Variants in GALNT7 observed in about 807,000 individuals in gnomAD.
GALNT7 encodes polypeptide N-acetylgalactosaminyltransferase 7.
A neutral mutation model predicts 82.1 loss-of-function variants in GALNT7; 60 were observed. The observed-to-expected ratio is 0.73, with a 90% CI of 0.59 to 0.91. The LOEUF is 0.91. Among genes scored for constraint, GALNT7 ranks in the 40% least tolerant of loss-of-function variants. The pLI, the probability that GALNT7 is intolerant of heterozygous loss-of-function variation, is 0.00. For missense variants in GALNT7, 660 were observed against 804.2 expected (o/e 0.82, Z 2.17); for synonymous variants, 243 against 275.1 (o/e 0.88, Z 1.15).
At chr4:173,199,688 C>T (rs1287689332) in intron 1 of GALNT7, among the ~76,000 whole-genome samples, 2 of 152,158 alleles carry the variant, frequency 1.3e-5, no homozygotes, top group Non-Finnish European at 2.9e-5. Flanking sequence ...CCCAATTTAA[C>T]TTTGTTAACC....
In GALNT7 at chr4:173,259,547, A is replaced by G. The variant is rs998155562; in HGVS notation, c.587+11107A>G. Among the ~76,000 whole-genome samples, 7 of 151,848 alleles carry G rather than the reference A, an allele frequency of 4.6e-5. 1 individual carries two copies. The highest frequency in any genetic ancestry group is 4.2e-4 in the South Asian group (2 of 4,808). On this transcript the variant is annotated intron_variant, in intron 2 of 11. Coordinates refer to ENST00000265000, the MANE Select transcript of GALNT7 (RefSeq NM_017423.3). ...CTGAGGGCGTTTCAGAATTTGGTGT[A>G]TATTTGTCCAAACTTTATTCTGAGT...
At chr4:173,184,079 A>T (rs1216556448) in intron 1 of GALNT7, among the ~76,000 whole-genome samples, 2 of 134,944 alleles carry the variant, frequency 1.5e-5, no homozygotes, top group African/African-American at 5.7e-5. Flanking sequence ...CCTAGACAGG[A>T]TGAGGGTCGG....
At chr4:173,304,226 C>T (rs146675794) in intron 8 of GALNT7, 108 bp downstream of exon 8, 33 of 808,912 alleles carry the variant, frequency 4.1e-5, no homozygotes, top group Non-Finnish European at 6.0e-5. Context: ...CTTCAGCAGT[C>T]ATGTTGATTC....
chr4:173,285,043 A>G (rs1736273925), intron 2 of GALNT7, among the ~76,000 whole-genome samples: 1 of 152,228 alleles, frequency 6.6e-6, no homozygotes, highest in Non-Finnish European at 1.5e-5. Context: ...TTTAGTCAAT[A>G]TGTTCACACA....
intron 1 of GALNT7, among the ~76,000 whole-genome samples, chr4:173,222,620 G>A (rs1296559606): frequency 2.0e-5 from 3 of 152,146 alleles, no homozygotes; most frequent in South Asian, 2.1e-4. Flanking sequence ...TGGAACTTTT[G>A]TATAAAGTGT....
At chr4:173,189,406 T>C (rs1732555240) in intron 1 of GALNT7, among the ~76,000 whole-genome samples, 1 of 152,242 alleles carries the variant, frequency 6.6e-6, no homozygotes, top group Non-Finnish European at 1.5e-5. Context: ...GTTTTAAGTA[T>C]AACCCATATT....
chr4:173,178,461 A>T (rs1238021531), intron 1 of GALNT7, among the ~76,000 whole-genome samples: 1 of 152,188 alleles, frequency 6.6e-6, no homozygotes, highest in Non-Finnish European at 1.5e-5. Context: ...CCTAGGGCCT[A>T]TGTCTTTTTG....
chr4:173,189,045 C>T (rs77882160), intron 1 of GALNT7, among the ~76,000 whole-genome samples: 2,047 of 152,286 alleles, frequency 0.013, 39 homozygotes, highest in East Asian at 0.057. Context: ...TCTTGAACCC[C>T]GGTTGAGACC....
chr4:173,195,496 G>A (rs1304049533), intron 1 of GALNT7, among the ~76,000 whole-genome samples: 1 of 152,020 alleles, frequency 6.6e-6, no homozygotes, highest in African/African-American at 2.4e-5. Context: ...AGGATCTTAG[G>A]GTCATGCTGC....
At chr4:173,187,068 A>G (rs1055824069) in intron 1 of GALNT7, among the ~76,000 whole-genome samples, 7 of 152,158 alleles carry the variant, frequency 4.6e-5, no homozygotes, top group Non-Finnish European at 8.8e-5. Flanking sequence ...CTTACTTTTA[A>G]AATACATTTA....
In GALNT7 at chr4:173,302,530, AC is replaced by A. The variant is rs1198316076; in HGVS notation, c.1266+368del. On this transcript the variant is annotated intron_variant, in intron 7 of 11. Coordinates refer to ENST00000265000, the MANE Select transcript of GALNT7 (RefSeq NM_017423.3). The surrounding 1 kb of genome is among the most constrained non-coding windows in gnomAD (Gnocchi z 4.2). The stretch of plus-strand genomic sequence containing the variant: ...CCACCCACTGACACAGTCACCCTTT[AC>A]CACTGTAGGACATGATTCAAGACAG... Among the ~76,000 whole-genome samples the A allele has an allele frequency of 2.0e-5, 3 of 152,162 alleles. No homozygotes were observed. The highest frequency in any genetic ancestry group is 4.4e-5 in the Non-Finnish European group (3 of 68,022).
At chr4:173,240,179 A>G (rs996654165) in intron 1 of GALNT7, among the ~76,000 whole-genome samples, 1 of 152,160 alleles carries the variant, frequency 6.6e-6, no homozygotes, top group Non-Finnish European at 1.5e-5. Flanking sequence ...TTCTGGTAAA[A>G]TAAAGGTAAT....
chr4:173,220,984 C>T (rs1418968605), intron 1 of GALNT7, among the ~76,000 whole-genome samples: 5 of 151,460 alleles, frequency 3.3e-5, no homozygotes, highest in African/African-American at 9.7e-5. Flanking sequence ...GTCTTTATAG[C>T]AGCATGATTT....
At chr4:173,185,512 C>T (rs1574314) in intron 1 of GALNT7, among the ~76,000 whole-genome samples, 106,789 of 151,970 alleles carry the variant, frequency 0.7, 37,738 homozygotes, top group East Asian at 0.76. Flanking sequence ...AAATCCCTTA[C>T]TCTTAAAATA....
chr4:173,261,894 A>G (rs1735279183), intron 2 of GALNT7, among the ~76,000 whole-genome samples: 2 of 152,204 alleles, frequency 1.3e-5, no homozygotes, highest in South Asian at 4.1e-4. Flanking sequence ...TTAACTATCA[A>G]AATATACAAC....
intron 1 of GALNT7, among the ~76,000 whole-genome samples, chr4:173,234,277 C>T (rs1360264522): frequency 6.6e-6 from 1 of 152,114 alleles, no homozygotes; most frequent in Non-Finnish European, 1.5e-5. Flanking sequence ...TTTATAATCT[C>T]TCCATCACTC....
intron 1 of GALNT7, among the ~76,000 whole-genome samples, chr4:173,172,182 G>A (rs955552938): frequency 6.6e-6 from 1 of 152,206 alleles, no homozygotes; most frequent in Non-Finnish European, 1.5e-5. Context: ...CCTGGACTTG[G>A]GGTTTTATAC....
At chr4:173,216,546 A>G (rs1218023161) in intron 1 of GALNT7, among the ~76,000 whole-genome samples, 2 of 151,622 alleles carry the variant, frequency 1.3e-5, no homozygotes, top group Non-Finnish European at 2.9e-5. Flanking sequence ...ATAATTATAT[A>G]TGAAAGAACC....
rs755410918 is a variant in GALNT7 at position 173,304,051 on chromosome 4, T to C, written c.1322T>C (p.Ile441Thr). 7 of 1,612,318 alleles carry C rather than the reference T, an allele frequency of 4.3e-6. No individual in the cohort carries two copies. Among genetic ancestry groups the C allele is most frequent in the Non-Finnish European group, 5.9e-6 (7 of 1,178,582 alleles). ...GTTCCTTGTTCTCGTGTTGGACATA[T>C]CTACCGTCTTGAGGGCTGGCAAGGA... The part of the protein sequence containing the change: ...LFVPCSRVGH[I>T]YRLEGWQGNP... Residue 441 changes from isoleucine (I) to threonine (T), a missense_variant, in exon 8 of 12, where the codon ATC becomes ACC. By Grantham distance (89) the Ile-to-Thr change is moderately conservative (BLOSUM62 -1). This residue lies in a region of GALNT7 where 527 missense variants were observed against 683.5 expected (regional missense o/e 0.77). Transcript: ENST00000265000.
Sources: allele counts gnomAD v4.1 joint callset (sites outside exome capture counted in the v4.1 genomes callset), GRCh38; gene constraint gnomAD v4.1.1; regional missense constraint gnomAD v4.1.1; non-coding constraint Gnocchi (gnomAD v3.1); transcripts MANE v1.5; gene names NCBI Gene and HGNC (gene_info 2026-07-23, HGNC 2026-07-21).